The following IFNG-AS1 variants were observed in gnomAD, a reference collection of about 807,000 sequenced individuals.
IFNG-AS1 encodes the protein IFNG antisense RNA 1 (non-protein coding).
At chr12:68,020,872 G>T (rs1006833807) in intron 4 of IFNG-AS1, 1 of 152,142 alleles carries the variant, frequency 6.6e-6, no homozygotes, top group Non-Finnish European at 1.5e-5. Flanking sequence ...CCTCTAAAAG[G>T]TAGGGTGGGA....
At chr12:67,990,367 G>C (rs964602642) in intron 1 of IFNG-AS1, among the ~76,000 whole-genome samples, 1 of 152,160 alleles carries the variant, frequency 6.6e-6, no homozygotes. Context: ...TTTCTCAGCT[G>C]AAATTCAAAG....
intron 1 of IFNG-AS1, among the ~76,000 whole-genome samples, chr12:67,995,232 C>G (rs1471294496): frequency 1.3e-5 from 2 of 149,488 alleles, no homozygotes; most frequent in Non-Finnish European, 3.0e-5. Flanking sequence ...ACCATCCTGG[C>G]CAACATGGTG....
At chr12:68,018,747 C>T (rs947554590) in intron 3 of IFNG-AS1, among the ~76,000 whole-genome samples, 1 of 149,778 alleles carries the variant, frequency 6.7e-6, no homozygotes, top group African/African-American at 2.5e-5. Context: ...TGAGTCCTTA[C>T]TTTTTTTTTA....
At chr12:67,995,379 C>A (rs1454712016) in intron 1 of IFNG-AS1, among the ~76,000 whole-genome samples, 1 of 147,322 alleles carries the variant, frequency 6.8e-6, no homozygotes, top group Non-Finnish European at 1.5e-5. Flanking sequence ...TGAGATTGTG[C>A]CACTGCACTC....
intron 2 of IFNG-AS1, among the ~76,000 whole-genome samples, chr12:68,004,315 A>G (rs945365234): frequency 6.6e-6 from 1 of 152,128 alleles, no homozygotes; most frequent in Non-Finnish European, 1.5e-5. Flanking sequence ...TTACTTTTGC[A>G]TCTTCCCAGC....
At chr12:68,018,042 A>G (rs1880195587) in intron 3 of IFNG-AS1, among the ~76,000 whole-genome samples, 1 of 151,998 alleles carries the variant, frequency 6.6e-6, no homozygotes, top group South Asian at 2.1e-4. Flanking sequence ...TCCCCTTGTG[A>G]AAATTTTCTA....
intron 2 of IFNG-AS1, among the ~76,000 whole-genome samples, chr12:68,003,958 T>C (rs2120444003): frequency 7.0e-6 from 1 of 143,764 alleles, no homozygotes; most frequent in Admixed American, 7.2e-5. Context: ...CGAGGCTATG[T>C]TGGTTTGTAT....
At chr12:68,003,477 T>C in intron 2 of IFNG-AS1, among the ~76,000 whole-genome samples, 1 of 148,558 alleles carries the variant, frequency 6.7e-6, no homozygotes. Context: ...GAGTCCACAC[T>C]AGAAGTGACA....
intron 1 of IFNG-AS1, among the ~76,000 whole-genome samples, chr12:67,992,124 T>A (rs1218245510): frequency 5.3e-5 from 8 of 152,214 alleles, no homozygotes; most frequent in Admixed American, 4.6e-4. Context: ...CTTCCCGTGA[T>A]GTTTCTGTAT....
At chr12:68,015,510 C>T (rs1445922848) in intron 3 of IFNG-AS1, among the ~76,000 whole-genome samples, 1 of 152,108 alleles carries the variant, frequency 6.6e-6, no homozygotes, top group East Asian at 1.9e-4. Context: ...ACTTTGAAGC[C>T]TCTAAAGTTC....
In IFNG-AS1 at chr12:68,008,499, T is replaced by C. The variant is rs530807204; in HGVS notation, n.241+2353T>C. Among the ~76,000 whole-genome samples, 25 of 152,296 alleles carry C rather than the reference T, an allele frequency of 1.6e-4. 1 individual carries two copies. The South Asian group carries it at 5.0e-3, about 30-fold the overall frequency. On this transcript the variant is annotated intron_variant and non_coding_transcript_variant, in intron 3 of 5. Transcript: ENST00000536914. ...AGTTCTGGAGTTCACAGCAGGAAAC[T>C]GAATTTTTAAAAAGCTCTTTATTAG...
chr12:68,015,943 C>T (rs1880142635), intron 3 of IFNG-AS1, among the ~76,000 whole-genome samples: 1 of 150,566 alleles, frequency 6.6e-6, no homozygotes, highest in African/African-American at 2.4e-5. Flanking sequence ...AAACTAGAGA[C>T]GGGGGGGGGA....
intron 3 of IFNG-AS1, among the ~76,000 whole-genome samples, chr12:68,009,593 A>AGTCTCCCAAAGTGCTGGCATTAT (rs1482799077): frequency 6.6e-6 from 1 of 152,120 alleles, no homozygotes; most frequent in East Asian, 1.9e-4. Context: ...CACCCACCTC[A>AGTCTCCCAAAGTGCTGGCATTAT]GTCTCCCAAA....
intron 2 of IFNG-AS1, among the ~76,000 whole-genome samples, chr12:68,004,371 C>G (rs1236671319): frequency 6.6e-6 from 1 of 152,114 alleles, no homozygotes; most frequent in Non-Finnish European, 1.5e-5. Context: ...TCAGGATCTT[C>G]CAAGCTTCCT....
intron 3 of IFNG-AS1, among the ~76,000 whole-genome samples, chr12:68,009,367 C>G (rs2120458787): frequency 6.6e-6 from 1 of 152,100 alleles, no homozygotes; most frequent in Middle Eastern, 3.4e-3. Flanking sequence ...TTTTTTGAGA[C>G]AGTCTCGCTC....
intron 2 of IFNG-AS1, chr12:68,001,297 C>T (rs1174538793): frequency 6.4e-6 from 1 of 156,910 alleles, no homozygotes; most frequent in Non-Finnish European, 1.4e-5. Context: ...AAACATGTCC[C>T]ACAGTACAGA....
At chr12:68,013,295 G>T (rs892759128) in intron 3 of IFNG-AS1, among the ~76,000 whole-genome samples, 2 of 152,172 alleles carry the variant, frequency 1.3e-5, no homozygotes, top group African/African-American at 2.4e-5. Flanking sequence ...ATTGGTGGAG[G>T]TTGGGGCTGC....
intron 3 of IFNG-AS1, among the ~76,000 whole-genome samples, chr12:68,011,252 T>C (rs1240911957): frequency 6.6e-6 from 1 of 152,220 alleles, no homozygotes; most frequent in Admixed American, 6.5e-5. Flanking sequence ...ATCAGCCCAC[T>C]TTACAAGTAA....
chr12:67,998,954 T>C (rs1219531760), intron 2 of IFNG-AS1, among the ~76,000 whole-genome samples: 1 of 152,124 alleles, frequency 6.6e-6, no homozygotes, highest in African/African-American at 2.4e-5. Flanking sequence ...ATTGTGCAAA[T>C]AAGTAAATAA....
Sources: allele counts gnomAD v4.1 joint callset (sites outside exome capture counted in the v4.1 genomes callset), GRCh38; gene constraint gnomAD v4.1.1; transcripts MANE v1.5; gene names NCBI Gene and HGNC (gene_info 2026-07-23, HGNC 2026-07-21).